The following FCGR2A variants were observed in gnomAD, a reference collection of about 807,000 sequenced individuals.
FCGR2A encodes low affinity immunoglobulin gamma Fc region receptor II-a.
A neutral mutation model predicts 29.3 loss-of-function variants in FCGR2A; 18 were observed. That is an observed-to-expected ratio of 0.62 (90% confidence interval 0.43 to 0.91). FCGR2A has a LOEUF of 0.91. FCGR2A is among the 40% of genes least tolerant of loss of function. The pLI, the probability that FCGR2A is intolerant of heterozygous loss-of-function variation, is 0.00. For missense variants in FCGR2A, 287 were observed against 393.0 expected (o/e 0.73, Z 2.28); for synonymous variants, 126 against 144.8 (o/e 0.87, Z 0.93).
At chr1:161,514,072 T>C (rs566930612) in intron 6 of FCGR2A, 140 bp downstream of exon 6, 10 of 1,182,400 alleles carry the variant, frequency 8.5e-6, no homozygotes, top group Non-Finnish European at 1.3e-5. Context: ...ACCCAGGCCT[T>C]AGAAATAGCC....
chr1:161,506,680 C>G (rs569842545), intron 3 of FCGR2A, 89 bp downstream of exon 3: 1 of 1,577,634 alleles, frequency 6.3e-7, no homozygotes, highest in African/African-American at 1.3e-5. Flanking sequence ...AAAGAGTGGG[C>G]GTGGACTGCT....
At position 161,518,060 on chromosome 1, in the gene FCGR2A, T is replaced by C. The variant is rs1676248862; in HGVS notation, c.866T>C (p.Met289Thr). The C allele has an allele frequency of 6.2e-7, 1 of 1,613,814 alleles. No individual in the cohort carries two copies. Among genetic ancestry groups the C allele is most frequent in the Non-Finnish European group, 8.5e-7 (1 of 1,179,798 alleles). The change falls in exon 7 of 7, where the codon ATG becomes ACG. Residue 289 changes from methionine (M) to threonine (T), a missense_variant. Physicochemically the swap from Met to Thr is moderately conservative, Grantham distance 81 (BLOSUM62 -1). Coordinates refer to ENST00000271450, the MANE Select transcript of FCGR2A (RefSeq NM_001136219.3). ...TATGAAACAGCTGACGGCGGCTACA[T>C]GACTCTGAACCCCAGGGCACCTACT... ...NDYETADGGY[M>T]TLNPRAPTDD...
chr1:161,513,123 A>G (rs1418206500), intron 5 of FCGR2A: 2 of 151,366 alleles, frequency 1.3e-5, no homozygotes, highest in African/African-American at 2.5e-5. Flanking sequence ...AGGGGGTGAG[A>G]GAAGAGACTA....
In FCGR2A at chr1:161,510,891, C is replaced by T. The variant is rs1488401468; in HGVS notation, c.677C>T (p.Thr226Ile). The change falls in exon 5 of 7, where the codon ACT becomes ATT. Residue 226 changes from threonine to isoleucine, a missense_variant. Thr to Ile is a moderately conservative substitution (Grantham distance 89). Transcript: ENST00000271450. The stretch of plus-strand genomic sequence containing the variant: ...ATCATTGTGGCTGTGGTCATTGCGA[C>T]TGCTGTAGCAGCCATTGTTGCTGCT... ...MGIIVAVVIATAVAAIVAAVV... is the reference protein window; with the variant it reads ...MGIIVAVVIAIAVAAIVAAVV... 3.7e-6 allele frequency: 6 copies of T among 1,614,200 alleles called. No individual in the cohort carries two copies. Among genetic ancestry groups the T allele is most frequent in the South Asian group, 2.2e-5 (2 of 91,082 alleles).
Position 161,507,239 on chromosome 1 carries a change from C to T in FCGR2A, c.364+648C>T, listed in dbSNP as rs1341848900. ...TCTAGATAGTATTTCTTTTTTTTTT[C>T]CCCCAAGTAGCTGGGACTCCAGGCA... On this transcript the variant is annotated intron_variant, in intron 3 of 6. Transcript: ENST00000271450. Among the ~76,000 whole-genome samples, 4 of 150,356 alleles carry T rather than the reference C, an allele frequency of 2.7e-5. No homozygotes were observed. In the East Asian group the frequency reaches 7.8e-4, roughly 29 times the overall value.
chr1:161,513,385 CCT>C (rs1183405062), intron 5 of FCGR2A: 1 of 143,558 alleles, frequency 7.0e-6, no homozygotes, highest in Non-Finnish European at 1.5e-5. Flanking sequence ...TCCCTCCCTG[CCT>C]CTCTTTTTCT....
At chr1:161,507,159 C>G (rs7515174) in intron 3 of FCGR2A, among the ~76,000 whole-genome samples, 15,074 of 152,174 alleles carry the variant, frequency 0.099, 926 homozygotes, top group Middle Eastern at 0.15. Flanking sequence ...TCTGATTTAG[C>G]TTTATGTAAA....
chr1:161,510,869 A>G lies in FCGR2A; in HGVS notation c.655A>G (p.Ile219Val). 2 of 1,614,182 alleles carry G rather than the reference A, an allele frequency of 1.2e-6. No homozygotes were observed. Among genetic ancestry groups the G allele is most frequent in the Non-Finnish European group, 1.7e-6 (2 of 1,180,006 alleles). The change falls in exon 5 of 7, where the codon ATT becomes GTT. Residue 219 changes from isoleucine (I) to valine (V), a missense_variant. Ile to Val is a conservative substitution (Grantham distance 29, BLOSUM62 3). This residue lies in a region of FCGR2A where 72 missense variants were observed against 68.6 expected (regional missense o/e 1.05). Coordinates refer to ENST00000271450, the MANE Select transcript of FCGR2A (RefSeq NM_001136219.3). The part of the protein sequence containing the change: ...SMGSSSPMGI[I>V]VAVVIATAVA... ...GGGCAGCTCTTCACCAATGGGGATCATTGTGGCTGTGGTCATTGCGACTGC... is the reference window on the plus strand; with the variant it reads ...GGGCAGCTCTTCACCAATGGGGATCGTTGTGGCTGTGGTCATTGCGACTGC...
At chr1:161,508,080 C>A in intron 3 of FCGR2A, among the ~76,000 whole-genome samples, 1 of 88,844 alleles carries the variant, frequency 1.1e-5, no homozygotes, top group Non-Finnish European at 2.0e-5. Context: ...GAGTGAAACT[C>A]TGTCTCAAAA....
Position 161,510,877 on chromosome 1 carries a change from T to G in FCGR2A, c.663T>G (p.Ala221=), listed in dbSNP as rs764821688. The G allele has an allele frequency of 2.5e-6, 4 of 1,614,200 alleles. No individual in the cohort carries two copies. In the East Asian group the frequency reaches 6.7e-5, roughly 27 times the overall value. ...GSSSPMGIIV[A]VVIATAVAAI... is the part of the protein sequence containing the mutation. ...CTTCACCAATGGGGATCATTGTGGCTGTGGTCATTGCGACTGCTGTAGCAG... is the reference window on the plus strand; with the variant it reads ...CTTCACCAATGGGGATCATTGTGGCGGTGGTCATTGCGACTGCTGTAGCAG... Residue 221 remains alanine, a synonymous_variant, in exon 5 of 7, where the codon GCT becomes GCG. Coordinates refer to ENST00000271450, the MANE Select transcript of FCGR2A (RefSeq NM_001136219.3).
chr1:161,513,744 T>C (rs1217851460), intron 5 of FCGR2A, 151 bp from the exon 6 acceptor site: 1 of 1,132,028 alleles, frequency 8.8e-7, no homozygotes, highest in Non-Finnish European at 1.3e-6. Flanking sequence ...CATGAGGCCA[T>C]ATTTACTTAG....
rs1306968711 is a variant in FCGR2A, at chr1:161,519,412, T to A, written c.*1264T>A. 1.3e-5 allele frequency: 2 copies of A among 152,452 alleles called. No individual in the cohort carries two copies. Among genetic ancestry groups the A allele is most frequent in the Non-Finnish European group, 2.9e-5 (2 of 68,158 alleles). 9.4% of individuals were successfully genotyped at this position (152,452 alleles called of 1,614,324 possible). A position where few individuals can be genotyped will look rare whatever the true frequency, so the allele number is the denominator to read the frequency against. The stretch of plus-strand genomic sequence containing the variant: ...TATGTTACAGGTTACATGAGAGCAA[T>A]CATGTAAGTCTATATGACTTCAGAA... On this transcript the variant is annotated 3_prime_UTR_variant, in exon 7 of 7. Coordinates refer to ENST00000271450, the MANE Select transcript of FCGR2A (RefSeq NM_001136219.3).
At chr1:161,505,957 G>C (rs763905176) in intron 1 of FCGR2A, 30 bp from the exon 2 acceptor site, 1 of 1,613,478 alleles carries the variant, frequency 6.2e-7, no homozygotes, top group South Asian at 1.1e-5. Flanking sequence ...TCTCCTGCTC[G>C]ACGTTGATCC....
At chr1:161,521,590 C>T (rs1438713074), downstream of FCGR2A, among the ~76,000 whole-genome samples, 2 of 151,994 alleles carry the variant, frequency 1.3e-5, no homozygotes, top group African/African-American at 4.8e-5. Context: ...ATCTTGAATT[C>T]CCACAACACA....
At chr1:161,516,254 A>G (rs1479587811) in intron 6 of FCGR2A, among the ~76,000 whole-genome samples, 1 of 152,088 alleles carries the variant, frequency 6.6e-6, no homozygotes, top group Non-Finnish European at 1.5e-5. Flanking sequence ...ACAAACTACT[A>G]AAACAAAAAT....
chr1:161,515,238 T>G (rs1240667205), intron 6 of FCGR2A, among the ~76,000 whole-genome samples: 1 of 152,254 alleles, frequency 6.6e-6, no homozygotes, highest in Non-Finnish European at 1.5e-5. Flanking sequence ...AATGTGCTAA[T>G]AAGAAAGTAT....
rs532871509 is a variant in FCGR2A at position 161,505,946 on chromosome 1, TTC to T, written c.86-38_86-37del. On this transcript the variant is annotated intron_variant, in intron 1 of 6. Transcript: ENST00000271450. ...ATACGCAGCTAAATTTGAAGCCGTG[TTC>T]TCCTGCTCGACGTTGATCCACTCTC... The T allele has an allele frequency of 3.3e-5, 54 of 1,612,070 alleles. 1 individual carries two copies. The Admixed American group carries it at 8.2e-4, about 24-fold the overall frequency.
intron 2 of FCGR2A, 108 bp downstream of exon 2, chr1:161,506,115 C>A: frequency 7.4e-7 from 1 of 1,352,188 alleles, no homozygotes; most frequent in Non-Finnish European, 1.1e-6. Context: ...GAAAATCAAG[C>A]TTGGGTTCAG....
At chr1:161,517,666 A>G (rs55814519) in intron 6 of FCGR2A, among the ~76,000 whole-genome samples, 10 of 150,624 alleles carry the variant, frequency 6.6e-5, no homozygotes, top group Admixed American at 2.7e-4. Context: ...TTTCTGTTTG[A>G]TGACTTGAAA....
Sources: gnomAD v4.1 joint callset for allele counts (sites outside exome capture counted in the v4.1 genomes callset) on GRCh38, gnomAD v4.1.1 for gene constraint, gnomAD v4.1.1 regional missense constraint, MANE v1.5 for transcripts, NCBI Gene and HGNC (gene_info 2026-07-23, HGNC 2026-07-21) for gene names.